Variants in IQSEC2 observed in about 807,000 individuals in gnomAD.
IQSEC2 encodes IQ motif and Sec7 domain ArfGEF 2, also known as IQ motif and SEC7 domain-containing protein 2.
IQSEC2 carries 6 observed loss-of-function variants against 74.6 expected under a neutral mutation model. The ratio of observed to expected loss-of-function variants is 0.08; its 90% CI spans 0.04 to 0.16. IQSEC2 has a LOEUF of 0.16. Among genes scored for constraint, IQSEC2 ranks in the 10% least tolerant of loss-of-function variants. The probability of loss-of-function intolerance (pLI) is 1.00; values close to 1 mark genes in which losing one functional copy is unlikely to be tolerated. For missense variants in IQSEC2, 734 were observed against 1,306.2 expected, an observed-to-expected ratio of 0.56 and a Z score of 6.75; for synonymous variants, 494 against 544.5, an observed-to-expected ratio of 0.91 and a Z score of 1.29.
chrX:53,287,619 A>G (rs782374471), intron 2 of IQSEC2, among the ~76,000 whole-genome samples: 1 of 112,974 alleles, frequency 8.9e-6, no homozygotes, highest in African/African-American at 3.2e-5. Flanking sequence ...GCAGGAGTCG[A>G]AGCTTCACTG....
At chrX:53,263,364 G>A (rs1556866923) in intron 2 of IQSEC2, among the ~76,000 whole-genome samples, 2 of 110,994 alleles carry the variant, frequency 1.8e-5, no homozygotes, top group African/African-American at 3.3e-5. Context: ...GAGGCCCAGA[G>A]AGTCAAAGTG....
At chrX:53,263,230 G>A (rs1481898850) in intron 2 of IQSEC2, among the ~76,000 whole-genome samples, 1 of 111,886 alleles carries the variant, frequency 8.9e-6, no homozygotes, top group African/African-American at 3.3e-5. Flanking sequence ...GATGGAAGAA[G>A]CTCCTGACCT....
chrX:53,283,589 T>C (rs2074997364), intron 2 of IQSEC2, among the ~76,000 whole-genome samples: 2 of 111,548 alleles, frequency 1.8e-5, no homozygotes, highest in Non-Finnish European at 3.8e-5. Flanking sequence ...TCTAAGAAAA[T>C]ATCCCTGAAC....
intron 11 of IQSEC2, among the ~76,000 whole-genome samples, chrX:53,238,664 C>G (rs782338604): frequency 2.7e-5 from 3 of 109,430 alleles, no homozygotes; most frequent in African/African-American, 6.6e-5. Context: ...AGGTGTGAGC[C>G]ACCATGCCTA....
rs782676639 is a variant in IQSEC2 at position 53,285,556 on chromosome X, T to C, written c.737+6339A>G. 5.4e-4 allele frequency among the ~76,000 whole-genome samples: 61 copies of C among 112,373 alleles called. 1 individual carries two copies. The highest frequency in any genetic ancestry group is 1.5e-3 in the South Asian group (4 of 2,741). On this transcript the variant is annotated intron_variant, in intron 2 of 14. Transcript: ENST00000642864. ...CAGTGCTCTGTAATAGTACCTGATA[T>C]TTAGCAGACATTTTCTGACTCAAAG...
rs1556880353 is a variant in IQSEC2 at position 53,321,101 on chromosome X, G to A, written c.23C>T (p.Pro8Leu). ...TGGGCTCTCGGATCCCGGGCCGCCC[G>A]GGGGCCCCGACCCCGCCTCCATCCT... The part of the protein sequence containing the change: MEAGSGP[P>L]GGPGSESPNR... Residue 8 changes from proline to leucine, a missense_variant, in exon 1 of 15, where the codon CCG (proline) becomes CTG (leucine). Physicochemically the swap from Pro to Leu is moderately conservative, Grantham distance 98 (BLOSUM62 -3). Transcript: ENST00000642864. 1.7e-6 allele frequency: 2 copies of A among 1,144,823 alleles called. No homozygotes were observed. The highest frequency in any genetic ancestry group is 3.3e-5 in the East Asian group (1 of 30,543). 94.3% of individuals were successfully genotyped at this position (1,144,823 alleles called of 1,213,427 possible). A position where few individuals can be genotyped will look rare whatever the true frequency, so the allele number is the denominator to read the frequency against.
chrX:53,274,452 C>CTTTT lies in IQSEC2; in HGVS notation c.737+17439_737+17442dup, dbSNP rs66510453. On this transcript the variant is annotated intron_variant, in intron 2 of 14. Coordinates refer to ENST00000642864, the MANE Select transcript of IQSEC2 (RefSeq NM_001111125.3). ...GCACTTCATTGCTTTAGTTACATTT[C>CTTTT]TTTTTTTTTTTTTTTTTTTTTTTTT... Among the ~76,000 whole-genome samples, 288 of 47,119 alleles carry CTTTT rather than the reference C, an allele frequency of 6.1e-3. 76 individuals are homozygous for CTTTT. The highest frequency in any genetic ancestry group is 0.02 in the African/African-American group (206 of 10,287). The allele number at this position is 47,119 out of a possible 115,157, so 40.9% of individuals were successfully genotyped here.
chrX:53,305,039 C>T (rs782678706), intron 1 of IQSEC2, among the ~76,000 whole-genome samples: 43 of 109,924 alleles, frequency 3.9e-4, no homozygotes, highest in African/African-American at 1.4e-3. Flanking sequence ...GTGCCCCAGC[C>T]TCCCGAGTAG....
chrX:53,269,713 G>A (rs1052848699), intron 2 of IQSEC2, among the ~76,000 whole-genome samples: 1 of 110,539 alleles, frequency 9.0e-6, no homozygotes, highest in East Asian at 2.8e-4. Context: ...TGCCTCATGC[G>A]CCCACCACTC....
At chrX:53,263,591 CCTTT>C (rs1465544587) in intron 2 of IQSEC2, among the ~76,000 whole-genome samples, 1 of 110,283 alleles carries the variant, frequency 9.1e-6, no homozygotes, top group East Asian at 2.8e-4. Context: ...TCATACTCTT[CCTTT>C]GTTTCTTCTG....
chrX:53,310,113 G>C (rs1177642401), intron 1 of IQSEC2, among the ~76,000 whole-genome samples: 2 of 111,650 alleles, frequency 1.8e-5, no homozygotes, highest in Admixed American at 9.6e-5. Context: ...AAATATGCCA[G>C]GCATGGTGGC....
At chrX:53,240,366 G>A (rs1358364743) in intron 10 of IQSEC2, among the ~76,000 whole-genome samples, 3 of 112,052 alleles carry the variant, frequency 2.7e-5, no homozygotes, top group African/African-American at 6.5e-5. Context: ...GACAGTCCCC[G>A]CAAAGAATTA....
Position 53,243,486 on chromosome X carries a change from A to G in IQSEC2, c.2750-15T>C. 1 of 1,165,509 alleles carries G rather than the reference A, an allele frequency of 8.6e-7. No homozygotes were observed. Among genetic ancestry groups the G allele is most frequent in the Non-Finnish European group, 1.1e-6 (1 of 870,402 alleles). Reference sequence around the variant, plus strand: ...ATTGTCAACCCCTGGGGGAGGGAGTAACACAGGGATATGTCACATAATTAT... The same window carrying G: ...ATTGTCAACCCCTGGGGGAGGGAGTGACACAGGGATATGTCACATAATTAT... On this transcript the variant is annotated splice_polypyrimidine_tract_variant and intron_variant, in intron 8 of 14. Coordinates refer to ENST00000642864, the MANE Select transcript of IQSEC2 (RefSeq NM_001111125.3).
intron 2 of IQSEC2, chrX:53,267,113 G>T: frequency 8.9e-7 from 1 of 1,129,163 alleles, no homozygotes; most frequent in Non-Finnish European, 1.2e-6. Context: ...GGGTGACAGA[G>T]AGAGGCAGAG....
At chrX:53,286,692 A>C (rs2075030039) in intron 2 of IQSEC2, among the ~76,000 whole-genome samples, 1 of 111,541 alleles carries the variant, frequency 9.0e-6, no homozygotes, top group African/African-American at 3.3e-5. Context: ...CTATAATCCC[A>C]GCACTTTGGG....
chrX:53,279,453 C>T (rs1463880002), intron 2 of IQSEC2: 2 of 482,136 alleles, frequency 4.1e-6, no homozygotes, highest in Middle Eastern at 3.4e-4. Context: ...CACTCGGACA[C>T]CCATTCCACA....
Position 53,319,588 on chromosome X carries a change from C to T in IQSEC2, c.707+829G>A, listed in dbSNP as rs148704909. On this transcript the variant is annotated intron_variant, in intron 1 of 14. Coordinates refer to ENST00000642864, the MANE Select transcript of IQSEC2 (RefSeq NM_001111125.3). ...GACTCTCTCAGCCTGATACATGTAA[C>T]CCAATCAGCTCACCATGGTATCTAC... is the stretch of plus-strand genomic sequence containing the variant. Among the ~76,000 whole-genome samples, 538 of 110,828 alleles carry T rather than the reference C, an allele frequency of 4.9e-3. 3 individuals carry two copies. The highest frequency in any genetic ancestry group is 9.3e-3 in the Middle Eastern group (2 of 216).
At chrX:53,320,337 T>TA in intron 1 of IQSEC2, 80 bp downstream of exon 1, 1 of 918,351 alleles carries the variant, frequency 1.1e-6, no homozygotes, top group Non-Finnish European at 1.5e-6. Flanking sequence ...AACCAGACAC[T>TA]GGCTTCTTAC....
chrX:53,247,733 A>C (rs2074329085), intron 7 of IQSEC2, among the ~76,000 whole-genome samples: 2 of 112,249 alleles, frequency 1.8e-5, no homozygotes, highest in African/African-American at 6.5e-5. Context: ...CAAGTTACTT[A>C]ACCTCTCTAA....
Sources: gnomAD v4.1 joint callset for allele counts (sites outside exome capture counted in the v4.1 genomes callset) on GRCh38, gnomAD v4.1.1 for gene constraint, MANE v1.5 for transcripts, NCBI Gene and HGNC (gene_info 2026-07-23, HGNC 2026-07-21) for gene names.